TOR3A: variants seen among roughly 807,000 people sequenced by gnomAD.
The protein encoded by TOR3A is torsin-3A.
TOR3A carries 44 observed loss-of-function variants against 42.1 expected under a neutral mutation model. The observed-to-expected ratio is 1.04, with a 90% CI of 0.82 to 1.34. The LOEUF (loss-of-function observed/expected upper bound fraction) is 1.34, where lower values mean the gene tolerates loss of function less well. TOR3A is among the 40% of genes most tolerant of loss of function. TOR3A has a pLI of 0.00. For synonymous variants in TOR3A, 227 were observed against 213.2 expected (o/e 1.06, Z -0.57); for missense variants, 521 against 507.6 (o/e 1.03, Z -0.25).
chr1:179,083,985 A>G (rs527311710), intron 2 of TOR3A, among the ~76,000 whole-genome samples: 1 of 152,328 alleles, frequency 6.6e-6, no homozygotes, highest in Admixed American at 6.5e-5. Flanking sequence ...AGTCTGGCTC[A>G]GGACAGAAGA....
At chr1:179,094,808 G>T (rs183877756) in intron 5 of TOR3A, among the ~76,000 whole-genome samples, 160 bp from the exon 6 acceptor site, 211 of 152,310 alleles carry the variant, frequency 1.4e-3, no homozygotes, top group African/African-American at 4.9e-3. Flanking sequence ...AACCTAGGAG[G>T]TGGAGGCTGC....
chr1:179,083,324 C>T (rs1652343539), intron 2 of TOR3A, among the ~76,000 whole-genome samples: 1 of 117,698 alleles, frequency 8.5e-6, no homozygotes, highest in Non-Finnish European at 1.7e-5. Context: ...AGCTACCTCT[C>T]AGAGGGGGCT....
At chr1:179,083,489 T>C (rs1227051440) in intron 2 of TOR3A, among the ~76,000 whole-genome samples, 2 of 149,870 alleles carry the variant, frequency 1.3e-5, no homozygotes, top group East Asian at 2.0e-4. Context: ...GCCTCCTGGG[T>C]TCAAGCAATT....
chr1:179,089,362 G>A (rs1384203984), intron 4 of TOR3A, among the ~76,000 whole-genome samples: 3 of 151,962 alleles, frequency 2.0e-5, no homozygotes, highest in African/African-American at 4.8e-5. Context: ...AGCCGTTGCT[G>A]GGTTGGGATT....
At chr1:179,084,228 A>G (rs1652372391) in intron 2 of TOR3A, among the ~76,000 whole-genome samples, 1 of 151,740 alleles carries the variant, frequency 6.6e-6, no homozygotes, top group Non-Finnish European at 1.5e-5. Context: ...GCTGTATTTT[A>G]TTTTATTTTT....
At chr1:179,082,414 G>A in intron 1 of TOR3A, 27 bp downstream of exon 1, 2 of 1,578,958 alleles carry the variant, frequency 1.3e-6, no homozygotes, top group Non-Finnish European at 1.7e-6. Context: ...ACGGTCCGCC[G>A]TTCGCTGCGG....
rs1323060495 is a variant in TOR3A at position 179,082,997 on chromosome 1, G to C, written c.317G>C (p.Cys106Ser). ...RYLDLLTTWY[C>S]SFKDCCPRGD... ...CTGGACCTCCTGACCACGTGGTACT[G>C]CAGCTTCAAAGACTGCTGCCCTAGA... Residue 106 changes from cysteine (C) to serine (S), a missense_variant, in exon 2 of 6, where the codon TGC (cysteine) becomes TCC (serine). Transcript: ENST00000367627. 1 of 1,589,616 alleles carries C rather than the reference G, an allele frequency of 6.3e-7. No homozygotes were observed. The highest frequency in any genetic ancestry group is 1.8e-5 in the Admixed American group (1 of 55,532).
At chr1:179,084,951 A>G (rs1369370318) in intron 2 of TOR3A, among the ~76,000 whole-genome samples, 5 of 152,238 alleles carry the variant, frequency 3.3e-5, no homozygotes, top group African/African-American at 1.2e-4. Flanking sequence ...AATGAATAAA[A>G]TCAGGCTTCT....
chr1:179,082,248 G>A lies in TOR3A; in HGVS notation c.120G>A (p.Trp40Ter), dbSNP rs1161470346. 6.5e-6 allele frequency: 10 copies of A among 1,544,556 alleles called. No homozygotes were observed. Among genetic ancestry groups the A allele is most frequent in the Admixed American group, 2.0e-5 (1 of 50,792 alleles). The change falls in exon 1 of 6, where the codon TGG becomes TGA. Residue 40 changes from tryptophan to a stop codon, truncating the protein, a stop_gained. Coordinates refer to ENST00000367627, the MANE Select transcript of TOR3A (RefSeq NM_022371.4). LOFTEE classifies it high-confidence loss of function. ...WEGTDEPGSA[W>*]AWPGFQRLQE... The stretch of plus-strand genomic sequence containing the variant: ...GAACCGACGAGCCGGGCTCGGCCTG[G>A]GCCTGGCCGGGCTTCCAGCGCCTGC...
Position 179,094,151 on chromosome 1 carries a change from T to C in TOR3A, c.877T>C (p.Ser293Pro), listed in dbSNP as rs1652671396. The C allele has an allele frequency of 6.2e-7, 1 of 1,614,006 alleles. No individual in the cohort carries two copies. Among genetic ancestry groups the C allele is most frequent in the Admixed American group, 1.7e-5 (1 of 60,006 alleles). Residue 293 changes from serine (S) to proline (P), a missense_variant, in exon 5 of 6, where the codon TCC (serine) becomes CCC (proline). Ser to Pro is a moderately conservative substitution (Grantham distance 74). Transcript: ENST00000367627. ...VVLKLLKAGWSREEITMEHLE... is the reference protein window; with the variant it reads ...VVLKLLKAGWPREEITMEHLE... The stretch of plus-strand genomic sequence containing the variant: ...CCTAAAGTTGCTCAAGGCTGGATGG[T>C]CCCGGGAAGAAATTACGATGGAACA...
intron 2 of TOR3A, among the ~76,000 whole-genome samples, chr1:179,084,296 G>A (rs1393499641): frequency 1.3e-5 from 2 of 151,938 alleles, no homozygotes; most frequent in African/African-American, 4.8e-5. Context: ...GAGCAATCTC[G>A]TCTCACTGCA....
In TOR3A at chr1:179,094,198, G is replaced by A. The variant is rs758899845; in HGVS notation, c.924G>A (p.Ala308=). ...AACACCTGGAGCCCCACCTCCAGGC[G>A]GAGATTGTGGAGACCATAGGTGAGT... The part of the protein sequence containing the change: ...TMEHLEPHLQ[A]EIVETIDNGF... The change falls in exon 5 of 6, where the codon GCG becomes GCA. Residue 308 remains alanine, a synonymous_variant. Coordinates refer to ENST00000367627, the MANE Select transcript of TOR3A (RefSeq NM_022371.4). The A allele has an allele frequency of 4.4e-5, 71 of 1,613,736 alleles. No homozygotes were observed. The highest frequency in any genetic ancestry group is 6.7e-5 in the East Asian group (3 of 44,890).
At chr1:179,082,867 T>C (rs2274228) in intron 1 of TOR3A, 73 bp from the exon 2 acceptor site, 5 of 981,886 alleles carry the variant, frequency 5.1e-6, no homozygotes, top group Non-Finnish European at 6.4e-6. Context: ...TGACAAGTTG[T>C]GTGGCAAGGT....
In TOR3A at chr1:179,088,070, ACTAT is replaced by A. The variant is rs774614962; in HGVS notation, c.802_805del (p.Ile268PhefsTer11). On this transcript the variant is annotated frameshift_variant, in exon 4 of 6. Coordinates refer to ENST00000367627, the MANE Select transcript of TOR3A (RefSeq NM_022371.4). LOFTEE classifies it high-confidence loss of function. ...GGGCCACAGGGCTGAGTCTCCATGG[ACTAT>A]CTTTCTGTTTCTCAGGTGGGTTCTG... 155 of 1,596,368 alleles carry A rather than the reference ACTAT, an allele frequency of 9.7e-5. 1 individual carries two copies. In the East Asian group the frequency reaches 3.2e-3, roughly 33 times the overall value.
At chr1:179,093,956 T>C (rs916301993) in intron 4 of TOR3A, 137 bp from the exon 5 acceptor site, 10 of 1,129,248 alleles carry the variant, frequency 8.9e-6, no homozygotes, top group Non-Finnish European at 1.2e-5. Flanking sequence ...TGTGACAAGG[T>C]CTCCTGGAAG....
chr1:179,091,974 A>C (rs1034907538), intron 4 of TOR3A, among the ~76,000 whole-genome samples: 4 of 152,240 alleles, frequency 2.6e-5, no homozygotes, highest in Non-Finnish European at 4.4e-5. Context: ...AGCCTGGCTG[A>C]GCAACTGACC....
rs764913673 is a variant in TOR3A at position 179,082,345 on chromosome 1, G to A, written c.217G>A (p.Asp73Asn). ...GCTCTTCAGCTGCCAGGTGTGGCCC[G>A]ACGACTGTGACGAGGACGAGGAGGC... is the stretch of plus-strand genomic sequence containing the variant. ...WTLFSCQVWP[D>N]DCDEDEEAAT... Residue 73 changes from aspartate (D) to asparagine (N), a missense_variant, in exon 1 of 6, where the codon GAC (aspartate) becomes AAC (asparagine). Physicochemically the swap from Asp to Asn is conservative, Grantham distance 23. Coordinates refer to ENST00000367627, the MANE Select transcript of TOR3A (RefSeq NM_022371.4). 3.1e-6 allele frequency: 5 copies of A among 1,605,554 alleles called. No homozygotes were observed. The African/African-American group carries it at 5.4e-5, about 17-fold the overall frequency.
Position 179,095,286 on chromosome 1 carries a change from C to A in TOR3A, c.*68C>A. On this transcript the variant is annotated 3_prime_UTR_variant, in exon 6 of 6. Coordinates refer to ENST00000367627, the MANE Select transcript of TOR3A (RefSeq NM_022371.4). ...CAGGACCCTGGGACCTGTAGGAGCA[C>A]CCCGTTTGGGACTGTGAGGTGTTTG... 6.3e-7 allele frequency: 1 copy of A among 1,595,088 alleles called. No homozygotes were observed. Among genetic ancestry groups the A allele is most frequent in the South Asian group, 1.1e-5 (1 of 87,640 alleles).
intron 4 of TOR3A, among the ~76,000 whole-genome samples, chr1:179,093,222 A>G (rs1219361789): frequency 6.6e-6 from 1 of 152,112 alleles, no homozygotes; most frequent in East Asian, 1.9e-4. Context: ...CTACGGTTGC[A>G]TCTTCTCTCC....
Sources: gnomAD v4.1 joint callset for allele counts (sites outside exome capture counted in the v4.1 genomes callset) on GRCh38, gnomAD v4.1.1 for gene constraint, MANE v1.5 for transcripts, NCBI Gene and HGNC (gene_info 2026-07-23, HGNC 2026-07-21) for gene names.